The following SEC14L3 variants were observed in gnomAD, a reference collection of about 807,000 sequenced individuals.
SEC14L3 encodes SEC14 like lipid binding 3.
Under a neutral mutation model 57.4 loss-of-function variants are expected in SEC14L3, and 56 were observed. That is an observed-to-expected ratio of 0.97 (90% CI 0.79 to 1.22). SEC14L3 has a LOEUF of 1.22. SEC14L3 is among the 50% of genes most tolerant of loss of function. The pLI, the probability that SEC14L3 is intolerant of heterozygous loss-of-function variation, is 0.00. For missense variants in SEC14L3, 485 were observed against 511.7 expected, an observed-to-expected ratio of 0.95 and a Z score of 0.50; for synonymous variants, 173 against 194.4, an observed-to-expected ratio of 0.89 and a Z score of 0.92.
chr22:30,453,807 T>C (rs1935031891), intron 12 of SEC14L3, among the ~76,000 whole-genome samples: 1 of 152,080 alleles, frequency 6.6e-6, no homozygotes, highest in Non-Finnish European at 1.5e-5. Flanking sequence ...GGAGGAGAGA[T>C]AGGGCTGACA....
intron 12 of SEC14L3, among the ~76,000 whole-genome samples, chr22:30,451,431 C>T (rs1211046645): frequency 6.6e-6 from 1 of 152,100 alleles, no homozygotes; most frequent in Admixed American, 6.5e-5. Flanking sequence ...CCGGCCCCCC[C>T]TTACCAAACA....
chr22:30,467,158 G>A, intron 5 of SEC14L3, 81 bp from the exon 6 acceptor site: 1 of 1,590,188 alleles, frequency 6.3e-7, no homozygotes. Context: ...ATGACCCCTT[G>A]GGGCTTCTTC....
At chr22:30,455,405 C>T (rs1454135442), downstream of SEC14L3, among the ~76,000 whole-genome samples, 4 of 150,468 alleles carry the variant, frequency 2.7e-5, no homozygotes, top group Non-Finnish European at 5.9e-5. Context: ...TGCACCACCA[C>T]GCCCAGCTAA....
At chr22:30,461,745 A>T (rs898481211) in intron 9 of SEC14L3, 51 bp from the exon 10 acceptor site, 3 of 1,573,344 alleles carry the variant, frequency 1.9e-6, no homozygotes, top group East Asian at 4.7e-5. Context: ...GCCATTGTTC[A>T]TGTTTCTTCT....
rs1456986143 is a variant in SEC14L3, at chr22:30,460,095, C to A, written c.1129G>T (p.Val377Phe). ...AGCAGGACCTCCACTGTGAAGCTGA[C>A]CTTCTTGGCGTGGACAAAGCTATAG... ...NTYSFVHAKK[V>F]SFTVEVLLPD... is the part of the protein sequence containing the mutation. The change falls in exon 12 of 12, where the codon GTC (valine) becomes TTC (phenylalanine). Residue 377 changes from valine to phenylalanine, a missense_variant. Val to Phe is a conservative substitution (Grantham distance 50, BLOSUM62 -1). Transcript: ENST00000215812. 3 of 1,614,148 alleles carry A rather than the reference C, an allele frequency of 1.9e-6. No homozygotes were observed. Among genetic ancestry groups the A allele is most frequent in the Non-Finnish European group, 2.5e-6 (3 of 1,180,012 alleles).
Position 30,459,750 on chromosome 22 carries a change from T to G in SEC14L3, c.*271A>C. 1.8e-6 allele frequency: 2 copies of G among 1,135,674 alleles called. No homozygotes were observed. Among genetic ancestry groups the G allele is most frequent in the Non-Finnish European group, 1.1e-6 (1 of 920,552 alleles). The allele number at this position is 1,135,674 out of a possible 1,614,324, so 70.3% of individuals were successfully genotyped here. On this transcript the variant is annotated 3_prime_UTR_variant, in exon 12 of 12. Transcript: ENST00000215812. Reference sequence around the variant, plus strand: ...GTGAGGACAAAGGCTAGGGGATTCATTTTGCTATTTATTGAGTTTCATGAC... The same window carrying G: ...GTGAGGACAAAGGCTAGGGGATTCAGTTTGCTATTTATTGAGTTTCATGAC...
downstream of SEC14L3, among the ~76,000 whole-genome samples, chr22:30,458,231 A>G (rs565773627): frequency 6.6e-6 from 1 of 152,282 alleles, no homozygotes; most frequent in African/African-American, 2.4e-5. Context: ...GAAAGTTGGG[A>G]AGGAAACTCT....
At chr22:30,470,353 C>T in intron 2 of SEC14L3, 98 bp from the exon 3 acceptor site, 3 of 1,588,162 alleles carry the variant, frequency 1.9e-6, no homozygotes, top group Non-Finnish European at 2.6e-6. Flanking sequence ...CTGGGTGAGA[C>T]CTTGCTCCCC....
chr22:30,448,986 G>A, exon 13 of SEC14L3: 1 of 1,118,582 alleles, frequency 8.9e-7, no homozygotes, highest in Non-Finnish European at 1.3e-6. Context: ...GAAGCAGCAT[G>A]GCAAGGCGGT....
exon 13 of SEC14L3, chr22:30,449,122 G>C: frequency 1.9e-6 from 3 of 1,550,594 alleles, no homozygotes; most frequent in African/African-American, 1.4e-5. Context: ...GGCCTACTTA[G>C]CTTGCATTTT....
At position 30,472,016 on chromosome 22, in the gene SEC14L3, T is replaced by G; in HGVS notation, c.-58A>C. The G allele has an allele frequency of 6.6e-7, 1 of 1,520,152 alleles. No individual in the cohort carries two copies. The highest frequency in any genetic ancestry group is 8.8e-7 in the Non-Finnish European group (1 of 1,134,500). 94.2% of individuals were successfully genotyped at this position (1,520,152 alleles called of 1,614,324 possible). On this transcript the variant is annotated 5_prime_UTR_variant, in exon 1 of 12. Coordinates refer to ENST00000215812, the MANE Select transcript of SEC14L3 (RefSeq NM_174975.5). ...CTATAGGCAAGAGGCCAAGCCTAGTTTGTCAGCCCTGACCCAGCTGGGTCC... is the reference window on the plus strand; with the variant it reads ...CTATAGGCAAGAGGCCAAGCCTAGTGTGTCAGCCCTGACCCAGCTGGGTCC...
Position 30,472,014 on chromosome 22 carries a change from G to C in SEC14L3, c.-56C>G. ...CACTATAGGCAAGAGGCCAAGCCTA[G>C]TTTGTCAGCCCTGACCCAGCTGGGT... On this transcript the variant is annotated 5_prime_UTR_variant, in exon 1 of 12. Transcript: ENST00000215812. 1 of 1,526,856 alleles carries C rather than the reference G, an allele frequency of 6.5e-7. No homozygotes were observed. Among genetic ancestry groups the C allele is most frequent in the Non-Finnish European group, 8.8e-7 (1 of 1,137,584 alleles). 94.6% of individuals were successfully genotyped at this position (1,526,856 alleles called of 1,614,324 possible).
At chr22:30,466,172 AT>A (rs1260914733) in intron 7 of SEC14L3, among the ~76,000 whole-genome samples, 161 bp downstream of exon 7, 1 of 152,198 alleles carries the variant, frequency 6.6e-6, no homozygotes, top group Admixed American at 6.5e-5. Flanking sequence ...AGAAGTTACC[AT>A]TTATTGAGAA....
intron 8 of SEC14L3, among the ~76,000 whole-genome samples, chr22:30,462,971 G>A (rs1935314152): frequency 6.6e-6 from 1 of 151,912 alleles, no homozygotes; most frequent in Non-Finnish European, 1.5e-5. Context: ...TCCTGACCTT[G>A]TGATCCACCC....
At position 30,461,479 on chromosome 22, in the gene SEC14L3, C is replaced by T. The variant is rs753283626; in HGVS notation, c.912G>A (p.Arg304=). ...YEILFPGCVL[R]WQFSSDGADI... ...CCGCACCATCAGATGAGAACTGCCACCTGTCAGGGGGAGGGGGAGGAGACA... is the reference window on the plus strand; with the variant it reads ...CCGCACCATCAGATGAGAACTGCCATCTGTCAGGGGGAGGGGGAGGAGACA... The change falls in exon 11 of 12, where the codon AGG becomes AGA. Residue 304 remains arginine, a splice_region_variant and synonymous_variant. Transcript: ENST00000215812. 3.1e-6 allele frequency: 5 copies of T among 1,613,210 alleles called. No homozygotes were observed. Among genetic ancestry groups the T allele is most frequent in the Non-Finnish European group, 3.4e-6 (4 of 1,179,514 alleles).
chr22:30,470,424 G>A (rs1346108725), intron 2 of SEC14L3, 83 bp downstream of exon 2: 4 of 1,606,174 alleles, frequency 2.5e-6, no homozygotes, highest in Non-Finnish European at 2.6e-6. Context: ...TGGACCCTGA[G>A]AGCCATGAGA....
chr22:30,470,776 G>A (rs545562334), intron 1 of SEC14L3, 194 bp from the exon 2 acceptor site: 13 of 826,728 alleles, frequency 1.6e-5, no homozygotes, highest in Middle Eastern at 6.3e-4. Context: ...AGGATAGATG[G>A]ATGAATAAAT....
chr22:30,471,854 C>A (rs1350783880), intron 1 of SEC14L3, 51 bp downstream of exon 1: 9 of 1,612,376 alleles, frequency 5.6e-6, no homozygotes, highest in Non-Finnish European at 7.6e-6. Flanking sequence ...CTTTCCACCC[C>A]CCAGCCCCTT....
chr22:30,452,003 A>AG (rs1311569268), intron 12 of SEC14L3, among the ~76,000 whole-genome samples: 1 of 139,014 alleles, frequency 7.2e-6, no homozygotes, highest in Non-Finnish European at 1.6e-5. Context: ...AAAAAAAAAA[A>AG]AAAAAAGAAA....
Sources: gnomAD v4.1 joint callset for allele counts (sites outside exome capture counted in the v4.1 genomes callset) on GRCh38, gnomAD v4.1.1 for gene constraint, MANE v1.5 for transcripts, NCBI Gene and HGNC (gene_info 2026-07-23, HGNC 2026-07-21) for gene names.